The following FTSJ1 variants were observed in gnomAD, a reference collection of about 807,000 sequenced individuals.
FTSJ1 encodes the protein tRNA (cytidine(32)/guanosine(34)-2'-O)-methyltransferase.
Under a neutral mutation model 28.5 loss-of-function variants are expected in FTSJ1, and 3 were observed. The ratio of observed to expected loss-of-function variants is 0.11; its 90% CI spans 0.05 to 0.27. FTSJ1 has a LOEUF of 0.27. FTSJ1 is among the 10% of genes least tolerant of loss of function. FTSJ1 has a pLI of 1.00. For synonymous variants in FTSJ1, 104 were observed against 113.9 expected, an observed-to-expected ratio of 0.91 and a Z score of 0.55; for missense variants, 162 against 279.0, an observed-to-expected ratio of 0.58 and a Z score of 2.99.
chrX:48,478,543 A>C (rs2061547789), intron 3 of FTSJ1, 25 bp downstream of exon 3: 1 of 1,195,401 alleles, frequency 8.4e-7, no homozygotes, highest in East Asian at 3.0e-5. Flanking sequence ...CCCAGATGGG[A>C]GACCCAGGAG....
chrX:48,483,880 G>A (rs1244003697), intron 12 of FTSJ1, among the ~76,000 whole-genome samples: 1 of 109,432 alleles, frequency 9.1e-6, no homozygotes, highest in African/African-American at 3.3e-5. Context: ...CCGGAGGGAA[G>A]CCATGTGTTT....
Position 48,482,390 on chromosome X carries a change from C to A in FTSJ1, c.656-13C>A, listed in dbSNP as rs1195708369. On this transcript the variant is annotated splice_polypyrimidine_tract_variant and intron_variant, in intron 9 of 12. Coordinates refer to ENST00000348411, the MANE Select transcript of FTSJ1 (RefSeq NM_012280.4). The stretch of plus-strand genomic sequence containing the variant: ...CCTGACCTTGTCCTCAGTTGTCTCC[C>A]CCTGTTCCTAAGACCCAGATTTCAA... The A allele has an allele frequency of 2.6e-6, 3 of 1,155,477 alleles. No homozygotes were observed. Among genetic ancestry groups the A allele is most frequent in the Admixed American group, 2.2e-5 (1 of 45,418 alleles).
intron 1 of FTSJ1, among the ~76,000 whole-genome samples, chrX:48,477,590 ACTGGGG>A: frequency 9.0e-6 from 1 of 111,329 alleles, no homozygotes; most frequent in Non-Finnish European, 1.9e-5. Context: ...AATGGGGACA[ACTGGGG>A]ATACAGTCAG....
At position 48,481,448 on chromosome X, in the gene FTSJ1, C is replaced by T. The variant is rs782805894; in HGVS notation, c.491C>T (p.Thr164Met). 5 of 1,211,657 alleles carry T rather than the reference C, an allele frequency of 4.1e-6. No individual in the cohort carries two copies. The highest frequency in any genetic ancestry group is 1.8e-5 in the South Asian group (1 of 57,018). The change falls in exon 8 of 13, where the codon ACG (threonine) becomes ATG (methionine). Residue 164 changes from threonine to methionine, a missense_variant. Transcript: ENST00000348411. ...VAKIFRGRDVTLLYSQLQVFF... is the reference protein window; with the variant it reads ...VAKIFRGRDVMLLYSQLQVFF... ...CAGATATTCCGAGGCCGGGATGTGA[C>T]GCTCCTCTACAGCCAGCTGCAGGTC...
At chrX:48,481,039 G>T in intron 5 of FTSJ1, 112 bp from the exon 6 acceptor site, 1 of 681,864 alleles carries the variant, frequency 1.5e-6, no homozygotes, top group Non-Finnish European at 2.3e-6. Flanking sequence ...TTTGCATCTG[G>T]AACCTTAGCA....
intron 1 of FTSJ1, among the ~76,000 whole-genome samples, chrX:48,477,027 GTGT>G (rs1318135091): frequency 9.0e-6 from 1 of 110,696 alleles, no homozygotes; most frequent in East Asian, 2.8e-4. Flanking sequence ...GAGGCTGATG[GTGT>G]TGTAGTCAGA....
intron 2 of FTSJ1, 43 bp from the exon 3 acceptor site, chrX:48,478,406 A>G: frequency 8.6e-7 from 1 of 1,166,977 alleles, no homozygotes. Flanking sequence ...AGGTTGGAGA[A>G]GTGGGTGCAG....
At chrX:48,478,812 G>A (rs1422420971) in intron 4 of FTSJ1, 105 bp downstream of exon 4, 11 of 601,735 alleles carry the variant, frequency 1.8e-5, no homozygotes, top group Non-Finnish European at 3.0e-5. Flanking sequence ...AACAGAGAGA[G>A]AAAGAGAGTG....
chrX:48,478,804 C>A, intron 4 of FTSJ1, 97 bp downstream of exon 4: 2 of 631,739 alleles, frequency 3.2e-6, no homozygotes, highest in African/African-American at 2.2e-5. Flanking sequence ...GTGATAGAAA[C>A]AGAGAGAGAA....
chrX:48,480,375 G>C (rs782140162), intron 5 of FTSJ1, among the ~76,000 whole-genome samples: 3 of 110,826 alleles, frequency 2.7e-5, no homozygotes, highest in African/African-American at 9.8e-5. Flanking sequence ...TGCTTGCTAT[G>C]TATGAGTAAT....
chrX:48,477,069 C>T (rs1007756871), intron 1 of FTSJ1, among the ~76,000 whole-genome samples: 1 of 109,767 alleles, frequency 9.1e-6, no homozygotes, highest in Admixed American at 9.7e-5. Context: ...GTGGCATGAC[C>T]GTCGAGGAAT....
intron 12 of FTSJ1, chrX:48,483,318 A>G: frequency 2.8e-6 from 1 of 355,547 alleles, no homozygotes; most frequent in Non-Finnish European, 4.9e-6. Flanking sequence ...CAGTTTGGAA[A>G]AGAGGCAACA....
intron 1 of FTSJ1, among the ~76,000 whole-genome samples, chrX:48,477,394 C>T (rs1293594046): frequency 1.8e-5 from 2 of 111,410 alleles, no homozygotes; most frequent in African/African-American, 3.3e-5. Context: ...GACCATGATT[C>T]TCCAGGCATT....
At chrX:48,478,578 G>C in intron 3 of FTSJ1, 39 bp from the exon 4 acceptor site, 1 of 1,191,028 alleles carries the variant, frequency 8.4e-7, no homozygotes, top group Non-Finnish European at 1.1e-6. Context: ...GAGGGGCCCG[G>C]GAGCGAAACT....
chrX:48,481,654 C>G lies in FTSJ1; in HGVS notation c.594C>G (p.Gly198=). The G allele has an allele frequency of 8.4e-7, 1 of 1,197,102 alleles. No homozygotes were observed. The highest frequency in any genetic ancestry group is 1.1e-6 in the Non-Finnish European group (1 of 881,816). The change falls in exon 9 of 13, where the codon GGC becomes GGG. Residue 198 remains glycine (G), a synonymous_variant. Transcript: ENST00000348411. ...CAGAGGCCTTCGCTGTCTGTCAGGGCTATGACCCTCCCGAGGGCTTCATCC... is the reference window on the plus strand; with the variant it reads ...CAGAGGCCTTCGCTGTCTGTCAGGGGTATGACCCTCCCGAGGGCTTCATCC... The part of the protein sequence containing the change: ...SSIEAFAVCQ[G]YDPPEGFIPD...
intron 5 of FTSJ1, among the ~76,000 whole-genome samples, chrX:48,480,575 T>C (rs895856634): frequency 2.7e-5 from 3 of 109,659 alleles, no homozygotes; most frequent in Non-Finnish European, 5.7e-5. Flanking sequence ...TGTGCTGGGC[T>C]TGGGCTACTA....
intron 8 of FTSJ1, 32 bp downstream of exon 8, chrX:48,481,560 G>C: frequency 8.5e-7 from 1 of 1,169,801 alleles, no homozygotes; most frequent in Non-Finnish European, 1.2e-6. Context: ...GGCAGGCAGA[G>C]GGGGATCTCT....
At chrX:48,484,970 T>G (rs990308247) in intron 12 of FTSJ1, among the ~76,000 whole-genome samples, 14 of 111,812 alleles carry the variant, frequency 1.3e-4, no homozygotes, top group African/African-American at 4.6e-4. Flanking sequence ...CTACTAAAGC[T>G]GCATGTGTGC....
intron 11 of FTSJ1, 41 bp downstream of exon 11, chrX:48,482,835 C>T (rs1032954997): frequency 2.5e-6 from 3 of 1,203,050 alleles, no homozygotes; most frequent in African/African-American, 1.8e-5. Context: ...ACCCCTTCCC[C>T]GTGTGCCTTT....
Sources: allele counts gnomAD v4.1 joint callset (sites outside exome capture counted in the v4.1 genomes callset), GRCh38; gene constraint gnomAD v4.1.1; transcripts MANE v1.5; gene names NCBI Gene and HGNC (gene_info 2026-07-23, HGNC 2026-07-21).